NEAT1: variants seen among roughly 807,000 people sequenced by gnomAD.
The protein encoded by NEAT1 is nuclear paraspeckle assembly transcript 1, also known as MENepsilon/beta.
chr11:65,444,423 C>T (rs1295148464), exon 1 of NEAT1: 1 of 471,148 alleles, frequency 2.1e-6, no homozygotes, highest in Admixed American at 2.4e-5. Context: ...CATGTGTGTC[C>T]CTGAGCAGGT....
exon 1 of NEAT1, chr11:65,428,545 C>G (rs1360322966): frequency 6.6e-6 from 1 of 152,068 alleles, no homozygotes; most frequent in Non-Finnish European, 1.5e-5. Flanking sequence ...TGAAGACACC[C>G]AAATAGGCTT....
At chr11:65,434,302 A>T (rs2134899303) in exon 1 of NEAT1, 1 of 152,274 alleles carries the variant, frequency 6.6e-6, no homozygotes, top group South Asian at 2.1e-4. Context: ...GGCACTACCA[A>T]TCCCCCACCC....
At chr11:65,432,624 A>G (rs1041947921) in exon 1 of NEAT1, 2 of 151,626 alleles carry the variant, frequency 1.3e-5, no homozygotes, top group Non-Finnish European at 2.9e-5. Flanking sequence ...TTTTCGTTCC[A>G]GGTCAGTCAA....
chr11:65,441,245 C>G (rs1474672395), exon 1 of NEAT1: 1 of 152,212 alleles, frequency 6.6e-6, no homozygotes, highest in African/African-American at 2.4e-5. Flanking sequence ...CTCTGCACTG[C>G]AGGCTGCATG....
chr11:65,423,883 A>G (rs1351855796), exon 1 of NEAT1: 3 of 152,122 alleles, frequency 2.0e-5, no homozygotes, highest in African/African-American at 7.2e-5. Flanking sequence ...TGGGGAGTGA[A>G]TGTGCACCCT....
chr11:65,439,453 T>A (rs540516874), exon 1 of NEAT1: 1 of 151,730 alleles, frequency 6.6e-6, no homozygotes, highest in East Asian at 1.9e-4. Context: ...GAGACTGAGG[T>A]GGGTGGATCA....
exon 1 of NEAT1, chr11:65,444,770 A>G (rs927946940): frequency 3.4e-6 from 1 of 295,046 alleles, no homozygotes; most frequent in East Asian, 1.1e-4. Flanking sequence ...GTGACAGGAG[A>G]AAGGCTGGTG....
At chr11:65,423,934 G>C (rs1856532928) in exon 1 of NEAT1, 1 of 152,324 alleles carries the variant, frequency 6.6e-6, no homozygotes, top group South Asian at 2.1e-4. Flanking sequence ...TTACAAAAAT[G>C]CTTCATGGAC....
chr11:65,436,135 CCTCATAGGGTCA>C (rs1302100808), exon 1 of NEAT1: 8 of 152,334 alleles, frequency 5.3e-5, no homozygotes, highest in Middle Eastern at 3.4e-3. Flanking sequence ...CTGGCTCTTA[CCTCATAGGGTCA>C]CTCATAGGGG....
At chr11:65,425,678 TTGAAAATCA>T (rs1300284779) in exon 1 of NEAT1, 1 of 152,164 alleles carries the variant, frequency 6.6e-6, no homozygotes, top group Admixed American at 6.5e-5. Flanking sequence ...TGTCTTGTGA[TTGAAAATCA>T]TGAGCGAAGT....
exon 1 of NEAT1, chr11:65,431,173 C>G (rs927944971): frequency 1.3e-5 from 2 of 152,310 alleles, no homozygotes; most frequent in Non-Finnish European, 2.9e-5. Flanking sequence ...TCTCTGAGCA[C>G]AGTGTCCTCG....
exon 1 of NEAT1, chr11:65,444,680 T>C (rs1299320346): frequency 2.8e-6 from 1 of 362,498 alleles, no homozygotes; most frequent in Non-Finnish European, 5.6e-6. Flanking sequence ...CTGGGGCAAG[T>C]ACCGGCTGAG....
At chr11:65,439,168 A>C (rs1205431414) in exon 1 of NEAT1, 2 of 152,136 alleles carry the variant, frequency 1.3e-5, no homozygotes, top group Non-Finnish European at 2.9e-5. Flanking sequence ...GCTGTTGGCC[A>C]TATGTGTATG....
chr11:65,444,248 C>T (rs1474312051), exon 1 of NEAT1: 3 of 333,148 alleles, frequency 9.0e-6, no homozygotes, highest in African/African-American at 4.5e-5. Context: ...CGGAGCCCAC[C>T]TGGTAGTCCT....
chr11:65,443,341 T>C (rs534261154), exon 1 of NEAT1: 1 of 152,332 alleles, frequency 6.6e-6, no homozygotes, highest in East Asian at 1.9e-4. Context: ...GACCTAAAGG[T>C]GTGCACACAT....
At chr11:65,432,012 C>A (rs1457973825) in exon 1 of NEAT1, 2 of 152,092 alleles carry the variant, frequency 1.3e-5, no homozygotes, top group African/African-American at 4.8e-5. Flanking sequence ...TTATAAGGTA[C>A]TTTTAAGGTA....
At chr11:65,439,846 G>GA (rs1036388754) in exon 1 of NEAT1, 1 of 152,188 alleles carries the variant, frequency 6.6e-6, no homozygotes, top group African/African-American at 2.4e-5. Flanking sequence ...TTCTTAATGT[G>GA]AAATGATGAG....
At chr11:65,428,520 A>G (rs1374849527) in exon 1 of NEAT1, 2 of 152,238 alleles carry the variant, frequency 1.3e-5, no homozygotes, top group African/African-American at 4.8e-5. Context: ...ATTATGGTGC[A>G]GTGCGGGCAT....
chr11:65,438,093 C>T (rs1856677496), exon 1 of NEAT1: 1 of 152,196 alleles, frequency 6.6e-6, no homozygotes, highest in Non-Finnish European at 1.5e-5. Flanking sequence ...CAGCACCTGA[C>T]CCTGTGCCCA....
Sources: allele counts gnomAD v4.1 joint callset, GRCh38; gene constraint gnomAD v4.1.1; transcripts MANE v1.5; gene names NCBI Gene and HGNC (gene_info 2026-07-23, HGNC 2026-07-21).